ACSM6: variants seen among roughly 807,000 people sequenced by gnomAD.
The protein encoded by ACSM6 is acyl-coenzyme A synthetase ACSM6, mitochondrial.
In ACSM6, 35 loss-of-function variants were observed where a neutral mutation model predicts 51.1. The ratio of observed to expected loss-of-function variants is 0.69; its 90% CI spans 0.52 to 0.91. The LOEUF (loss-of-function observed/expected upper bound fraction) is 0.91, where lower values mean the gene tolerates loss of function less well. Among genes scored for constraint, ACSM6 ranks in the 40% least tolerant of loss-of-function variants. The pLI is 0.00. For synonymous variants in ACSM6, 172 were observed against 207.3 expected (o/e 0.83, Z 1.46); for missense variants, 509 against 584.1 (o/e 0.87, Z 1.32).
chr10:95,199,081 T>G (rs887832300), intron 2 of ACSM6, among the ~76,000 whole-genome samples: 1 of 152,230 alleles, frequency 6.6e-6, no homozygotes, highest in East Asian at 1.9e-4. Context: ...GGAGGCATCA[T>G]GCTACCTGAC....
Position 95,214,993 on chromosome 10 carries a change from C to T in ACSM6, c.1119+18C>T, listed in dbSNP as rs181762926. 3.5e-5 allele frequency: 55 copies of T among 1,550,980 alleles called. No individual in the cohort carries two copies. In the Admixed American group the frequency reaches 1.1e-3, roughly 30 times the overall value. Reference sequence around the variant, plus strand: ...CGGAAACTGTAGGTTGATGCTGACTCACTATTTAGCCAGAAACCAAACTTG... The same window carrying T: ...CGGAAACTGTAGGTTGATGCTGACTTACTATTTAGCCAGAAACCAAACTTG... On this transcript the variant is annotated intron_variant, in intron 8 of 10. Transcript: ENST00000341686.
intron 2 of ACSM6, among the ~76,000 whole-genome samples, chr10:95,201,124 G>A (rs1026652168): frequency 3.3e-5 from 5 of 152,190 alleles, no homozygotes; most frequent in Admixed American, 1.3e-4. Flanking sequence ...TATCCGCTAG[G>A]AGGAGGGCAC....
At chr10:95,219,181 G>A (rs2034970956) in intron 8 of ACSM6, among the ~76,000 whole-genome samples, 1 of 152,098 alleles carries the variant, frequency 6.6e-6, no homozygotes, top group Non-Finnish European at 1.5e-5. Flanking sequence ...GTATTTCTCA[G>A]CAGCCAACAA....
intron 8 of ACSM6, among the ~76,000 whole-genome samples, chr10:95,217,724 T>A (rs1347013926): frequency 2.6e-5 from 4 of 152,192 alleles, no homozygotes; most frequent in Admixed American, 2.6e-4. Context: ...ACAGCCAAAT[T>A]GATAGCCTAG....
exon 2 of ACSM6, chr10:95,194,568 G>A: frequency 6.4e-7 from 1 of 1,551,978 alleles, no homozygotes; most frequent in Non-Finnish European, 8.7e-7. Context: ...AACCAAAAAT[G>A]TGCTACTCAG....
intron 2 of ACSM6, 90 bp from the exon 3 acceptor site, chr10:95,201,895 C>T: frequency 2.8e-6 from 3 of 1,089,842 alleles, no homozygotes; most frequent in Middle Eastern, 2.2e-4. Flanking sequence ...CAAGATCTAG[C>T]CACTTGAGGG....
chr10:95,224,069 C>A lies in ACSM6; in HGVS notation c.1201-1221C>A, dbSNP rs147305222. ...ATTGAAAATAAAATTTTTTAAATCT[C>A]ATTTAAAAATGTATTCTCTAGATAA... On this transcript the variant is annotated intron_variant, in intron 9 of 10. Transcript: ENST00000341686. Among the ~76,000 whole-genome samples, 899 of 152,208 alleles carry A rather than the reference C, an allele frequency of 5.9e-3. 6 individuals carry two copies. Among genetic ancestry groups the A allele is most frequent in the African/African-American group, 0.021 (861 of 41,538 alleles).
chr10:95,199,511 T>C (rs1353596691), intron 2 of ACSM6, among the ~76,000 whole-genome samples: 1 of 151,918 alleles, frequency 6.6e-6, no homozygotes, highest in Non-Finnish European at 1.5e-5. Context: ...GGGATCTAAT[T>C]AAACTAAAGA....
At chr10:95,202,192 T>C in exon 3 of ACSM6, 1 of 1,551,764 alleles carries the variant, frequency 6.4e-7, no homozygotes, top group Non-Finnish European at 8.7e-7. Context: ...CTGTGTGCGC[T>C]TGGGTGAGGC....
intron 2 of ACSM6, 122 bp from the exon 3 acceptor site, chr10:95,201,862 TA>T: frequency 1.3e-6 from 1 of 765,874 alleles, no homozygotes; most frequent in Non-Finnish European, 2.2e-6. Context: ...TAGCTCCCCC[TA>T]AGCCCAGGCA....
chr10:95,222,956 A>G (rs1044052954), intron 9 of ACSM6, among the ~76,000 whole-genome samples: 4 of 149,492 alleles, frequency 2.7e-5, no homozygotes, highest in Non-Finnish European at 1.5e-5. Context: ...CTTATCTTCA[A>G]ACTCATCAAG....
chr10:95,213,459 G>A lies in ACSM6; in HGVS notation c.995+519G>A, dbSNP rs1368750692. Among the ~76,000 whole-genome samples, 5 of 152,036 alleles carry A rather than the reference G, an allele frequency of 3.3e-5. No homozygotes were observed. In the East Asian group the frequency reaches 9.6e-4, roughly 29 times the overall value. On this transcript the variant is annotated intron_variant, in intron 7 of 10. Transcript: ENST00000341686. ...CCAAAAGAAACATATTATGATATTGGGGTGGGATTATATAGATGGTATCTG... is the reference window on the plus strand; with the variant it reads ...CCAAAAGAAACATATTATGATATTGAGGTGGGATTATATAGATGGTATCTG...
At chr10:95,216,494 TAATG>T (rs1441511827) in intron 8 of ACSM6, among the ~76,000 whole-genome samples, 1 of 152,106 alleles carries the variant, frequency 6.6e-6, no homozygotes, top group Non-Finnish European at 1.5e-5. Context: ...AAAGGAAAGA[TAATG>T]AACCTCATGC....
chr10:95,213,654 T>C (rs2034916445), intron 7 of ACSM6, among the ~76,000 whole-genome samples: 1 of 152,208 alleles, frequency 6.6e-6, no homozygotes, highest in African/African-American at 2.4e-5. Context: ...TCTAAGCTGC[T>C]GAAATGAGCA....
chr10:95,207,220 T>C, exon 4 of ACSM6: 2 of 1,614,092 alleles, frequency 1.2e-6, no homozygotes, highest in Non-Finnish European at 1.7e-6. Context: ...ATCACCTTTG[T>C]GCCTGGGAGC....
chr10:95,199,850 C>A (rs1395150464), intron 2 of ACSM6, among the ~76,000 whole-genome samples: 7 of 152,188 alleles, frequency 4.6e-5, no homozygotes, highest in Non-Finnish European at 1.0e-4. Context: ...AGTCAGGAAA[C>A]AATAGGTGCT....
rs551345566 is a variant in ACSM6 at position 95,199,198 on chromosome 10, A to G, written c.193-2787A>G. On this transcript the variant is annotated intron_variant, in intron 2 of 10. Transcript: ENST00000341686. ...ACAGAGCCCTCAGAAATAATGCCGC[A>G]TATCTACAACTATCTGATCTTTGAC... Among the ~76,000 whole-genome samples, 37 of 152,348 alleles carry G rather than the reference A, an allele frequency of 2.4e-4. No homozygotes were observed. In the East Asian group the frequency reaches 3.3e-3, roughly 13 times the overall value.
At chr10:95,209,344 C>G (rs1024471463) in intron 4 of ACSM6, among the ~76,000 whole-genome samples, 2 of 151,862 alleles carry the variant, frequency 1.3e-5, no homozygotes, top group Non-Finnish European at 2.9e-5. Context: ...GGAGAGGAGG[C>G]CGAAGCGCAA....
intron 3 of ACSM6, among the ~76,000 whole-genome samples, chr10:95,205,922 G>A (rs542111938): frequency 3.9e-5 from 6 of 152,168 alleles, no homozygotes; most frequent in South Asian, 4.2e-4. Flanking sequence ...TGTGTCCCTC[G>A]GCCTTCCCAT....
Sources: gnomAD v4.1 joint callset for allele counts (sites outside exome capture counted in the v4.1 genomes callset) on GRCh38, gnomAD v4.1.1 for gene constraint, MANE v1.5 for transcripts, NCBI Gene and HGNC (gene_info 2026-07-23, HGNC 2026-07-21) for gene names.